Variants in ARHGAP42 observed in about 807,000 individuals in gnomAD.
The protein encoded by ARHGAP42 is rho GTPase-activating protein 42.
ARHGAP42 carries 63 observed loss-of-function variants against 125.0 expected under a neutral mutation model. The ratio of observed to expected loss-of-function variants is 0.50; its 90% CI spans 0.41 to 0.62. ARHGAP42 has a LOEUF of 0.62. Among genes scored for constraint, ARHGAP42 ranks in the 20% least tolerant of loss-of-function variants. The pLI, the probability that ARHGAP42 is intolerant of heterozygous loss-of-function variation, is 0.00. For synonymous variants in ARHGAP42, 339 were observed against 351.0 expected (o/e 0.97, Z 0.38); for missense variants, 766 against 1,024.2 (o/e 0.75, Z 3.44).
At chr11:100,933,330 C>A in intron 7 of ARHGAP42, 70 bp downstream of exon 7, 2 of 1,140,136 alleles carry the variant, frequency 1.8e-6, no homozygotes, top group Non-Finnish European at 2.4e-6. Flanking sequence ...CAACTAATTA[C>A]AATTTTTTTC....
At chr11:100,842,145 C>G (rs183446787) in intron 3 of ARHGAP42, among the ~76,000 whole-genome samples, 1 of 152,094 alleles carries the variant, frequency 6.6e-6, no homozygotes, top group Non-Finnish European at 1.5e-5. Context: ...AGTTCTCACC[C>G]GAAAGGTTAT....
At chr11:100,827,334 C>G (rs1864543891) in intron 3 of ARHGAP42, among the ~76,000 whole-genome samples, 1 of 152,066 alleles carries the variant, frequency 6.6e-6, no homozygotes, top group Non-Finnish European at 1.5e-5. Context: ...AGTGATGGGA[C>G]CTTCAATGGA....
chr11:100,831,743 A>G (rs890618738), intron 3 of ARHGAP42, among the ~76,000 whole-genome samples: 4 of 152,224 alleles, frequency 2.6e-5, no homozygotes, highest in Non-Finnish European at 5.9e-5. Context: ...GGAAAAGTGC[A>G]TTCCCAGCTT....
At chr11:100,923,594 A>G (rs2135247310) in intron 6 of ARHGAP42, among the ~76,000 whole-genome samples, 1 of 152,262 alleles carries the variant, frequency 6.6e-6, no homozygotes, top group Middle Eastern at 3.4e-3. Flanking sequence ...AGGAATGACA[A>G]GAATTTATGA....
At chr11:100,962,319 C>A in intron 15 of ARHGAP42, 90 bp from the exon 16 acceptor site, 1 of 970,658 alleles carries the variant, frequency 1.0e-6, no homozygotes, top group Non-Finnish European at 1.5e-6. Context: ...TGATGAATAA[C>A]AGTCACCTAA....
chr11:100,718,301 G>T (rs556264204), intron 1 of ARHGAP42, among the ~76,000 whole-genome samples: 75 of 152,276 alleles, frequency 4.9e-4, no homozygotes, highest in South Asian at 1.0e-3. Flanking sequence ...CTTGAAGGTG[G>T]TCATAGCCAC....
At chr11:100,844,048 A>G (rs895388722) in intron 3 of ARHGAP42, among the ~76,000 whole-genome samples, 4 of 152,284 alleles carry the variant, frequency 2.6e-5, no homozygotes, top group African/African-American at 7.2e-5. Flanking sequence ...ATTTCAAACT[A>G]TACAATAAGG....
At position 100,834,291 on chromosome 11, in the gene ARHGAP42, T is replaced by C. The variant is rs190302873; in HGVS notation, c.313-25263T>C. Among the ~76,000 whole-genome samples the C allele has an allele frequency of 3.3e-5, 5 of 152,354 alleles. No individual in the cohort carries two copies. In the East Asian group the frequency reaches 7.7e-4, roughly 23 times the overall value. On this transcript the variant is annotated intron_variant, in intron 3 of 23. Coordinates refer to ENST00000298815, the MANE Select transcript of ARHGAP42 (RefSeq NM_152432.4). ...GTCAATTCATATAGCTACTGTATTA[T>C]GCTTCTATACTCATAGCATTTCTTT...
intron 22 of ARHGAP42, among the ~76,000 whole-genome samples, chr11:100,980,244 C>G (rs1419585412): frequency 6.6e-6 from 1 of 152,114 alleles, no homozygotes; most frequent in Non-Finnish European, 1.5e-5. Context: ...ATGGTGAAAA[C>G]TAAGCCCCAT....
chr11:100,756,880 A>G (rs1435533278), intron 1 of ARHGAP42, among the ~76,000 whole-genome samples: 1 of 152,236 alleles, frequency 6.6e-6, no homozygotes, highest in Non-Finnish European at 1.5e-5. Flanking sequence ...ATAGCATTTT[A>G]GGTGAATGAG....
intron 10 of ARHGAP42, 132 bp from the exon 11 acceptor site, chr11:100,948,325 C>A (rs1169192665): frequency 4.6e-6 from 3 of 647,892 alleles, no homozygotes; most frequent in Non-Finnish European, 7.5e-6. Context: ...TAGAAAAATT[C>A]CTATGTTTTT....
intron 3 of ARHGAP42, among the ~76,000 whole-genome samples, chr11:100,830,085 ATCT>A (rs1217532108): frequency 1.3e-5 from 2 of 152,210 alleles, no homozygotes; most frequent in Non-Finnish European, 2.9e-5. Context: ...AGAAGTTAAA[ATCT>A]TCTTCCATGG....
intron 4 of ARHGAP42, among the ~76,000 whole-genome samples, chr11:100,907,897 G>T (rs1866788135): frequency 6.6e-6 from 1 of 152,244 alleles, no homozygotes; most frequent in African/African-American, 2.4e-5. Context: ...TTAGCTATTG[G>T]TTTTTACTAT....
intron 3 of ARHGAP42, among the ~76,000 whole-genome samples, chr11:100,799,148 A>G (rs1044724041): frequency 2.0e-5 from 3 of 152,204 alleles, no homozygotes; most frequent in African/African-American, 7.2e-5. Flanking sequence ...GTTTTTGGAG[A>G]GAAGAATGAG....
At chr11:100,905,445 C>T (rs889860035) in intron 4 of ARHGAP42, among the ~76,000 whole-genome samples, 2 of 152,186 alleles carry the variant, frequency 1.3e-5, no homozygotes, top group African/African-American at 4.8e-5. Context: ...AGCACAACCA[C>T]TACTACTTCA....
chr11:100,988,431 A>G (rs1858743044), intron 23 of ARHGAP42, among the ~76,000 whole-genome samples: 1 of 152,236 alleles, frequency 6.6e-6, no homozygotes, highest in East Asian at 1.9e-4. Context: ...TATATAGTAT[A>G]ACAACTATTT....
At chr11:100,711,008 C>A (rs1261026269) in intron 1 of ARHGAP42, among the ~76,000 whole-genome samples, 2 of 152,172 alleles carry the variant, frequency 1.3e-5, no homozygotes, top group Non-Finnish European at 2.9e-5. Context: ...GTCTCTGTCC[C>A]TTTATATTTA....
intron 1 of ARHGAP42, among the ~76,000 whole-genome samples, chr11:100,756,631 G>C (rs1371411128): frequency 6.6e-6 from 1 of 152,180 alleles, no homozygotes; most frequent in Non-Finnish European, 1.5e-5. Context: ...GGCATAAATT[G>C]TGTGTATCAT....
chr11:100,743,414 A>G (rs1437202701), intron 1 of ARHGAP42, among the ~76,000 whole-genome samples: 1 of 152,160 alleles, frequency 6.6e-6, no homozygotes. Context: ...GGTTTTTAAG[A>G]TTTCTAGTGA....
Sources: gnomAD v4.1 joint callset for allele counts (sites outside exome capture counted in the v4.1 genomes callset) on GRCh38, gnomAD v4.1.1 for gene constraint, MANE v1.5 for transcripts, NCBI Gene and HGNC (gene_info 2026-07-23, HGNC 2026-07-21) for gene names.